The following TRHDE variants were observed in gnomAD, a reference collection of about 807,000 sequenced individuals.
The protein encoded by TRHDE is thyrotropin releasing hormone degrading enzyme.
Under a neutral mutation model 125.7 loss-of-function variants are expected in TRHDE, and 72 were observed. That is an observed-to-expected ratio of 0.57 (90% confidence interval 0.47 to 0.70). TRHDE has a LOEUF of 0.70. Among genes scored for constraint, TRHDE ranks in the 30% least tolerant of loss-of-function variants. The pLI is 0.00. For synonymous variants in TRHDE, 509 were observed against 509.1 expected, an observed-to-expected ratio of 1.00 and a Z score of 0.00; for missense variants, 1,110 against 1,327.1, an observed-to-expected ratio of 0.84 and a Z score of 2.54.
Position 72,277,882 on chromosome 12 carries a change from A to G in TRHDE, c.914+4325A>G, listed in dbSNP as rs188728306. 8.8e-4 allele frequency among the ~76,000 whole-genome samples: 134 copies of G among 152,264 alleles called. 1 individual carries two copies. Among genetic ancestry groups the G allele is most frequent in the South Asian group, 4.2e-3 (20 of 4,818 alleles). ...TATAATCTAATGTTTTGAAGTATGC[A>G]TACATTTGGAACAAATGTAGTTAAT... is the stretch of plus-strand genomic sequence containing the variant. On this transcript the variant is annotated intron_variant, in intron 1 of 18. Transcript: ENST00000261180.
Position 72,630,369 on chromosome 12 carries a change from G to A in TRHDE, c.2675+8618G>A, listed in dbSNP as rs138154952. Among the ~76,000 whole-genome samples the A allele has an allele frequency of 2.9e-4, 44 of 151,746 alleles. 1 individual carries two copies. Among genetic ancestry groups the A allele is most frequent in the South Asian group, 1.5e-3 (7 of 4,818 alleles). On this transcript the variant is annotated intron_variant, in intron 15 of 18. Transcript: ENST00000261180. ...GTAAGTCATGTAAAGACAGAGGAGC[G>A]CCAAGAATTGCTGGAGCCATTAGAA...
intron 2 of TRHDE, among the ~76,000 whole-genome samples, chr12:72,192,148 T>C (rs2139349387): frequency 6.6e-6 from 1 of 152,240 alleles, no homozygotes; most frequent in African/African-American, 2.4e-5. Flanking sequence ...TTTTATGTAA[T>C]ATTAGAGGAG....
intron 2 of TRHDE, among the ~76,000 whole-genome samples, chr12:72,353,497 G>A (rs1433609371): frequency 4.6e-5 from 7 of 151,432 alleles, no homozygotes; most frequent in Admixed American, 2.6e-4. Flanking sequence ...TTTTATTCTC[G>A]GTAGCTGATT....
Position 72,273,700 on chromosome 12 carries a change from G to T in TRHDE, c.914+143G>T. 1 of 783,616 alleles carries T rather than the reference G, an allele frequency of 1.3e-6. No homozygotes were observed. Among genetic ancestry groups the T allele is most frequent in the Non-Finnish European group, 2.0e-6 (1 of 494,534 alleles). 48.5% of individuals were successfully genotyped at this position (783,616 alleles called of 1,614,324 possible). On this transcript the variant is annotated intron_variant, in intron 1 of 18. Coordinates refer to ENST00000261180, the MANE Select transcript of TRHDE (RefSeq NM_013381.3). The surrounding 1 kb of genome is among the most constrained non-coding windows in gnomAD (Gnocchi z 5.3). ...GGGAAGGAAACGAAAGCGGAGTAGGGCAGTCAGAACTCCGGGGTCTCCCAG... is the reference window on the plus strand; with the variant it reads ...GGGAAGGAAACGAAAGCGGAGTAGGTCAGTCAGAACTCCGGGGTCTCCCAG...
intron 6 of TRHDE, among the ~76,000 whole-genome samples, chr12:72,516,190 G>A (rs1878850834): frequency 6.6e-6 from 1 of 151,300 alleles, no homozygotes; most frequent in Admixed American, 6.6e-5. Context: ...GAAAGTCATT[G>A]GTAGCTTGAT....
intron 6 of TRHDE, among the ~76,000 whole-genome samples, chr12:72,520,772 T>C (rs978018271): frequency 2.0e-5 from 3 of 152,242 alleles, no homozygotes; most frequent in African/African-American, 4.8e-5. Flanking sequence ...GGGTTCGATC[T>C]AAGTCTTAAA....
chr12:72,637,884 T>A (rs551040448), intron 15 of TRHDE, among the ~76,000 whole-genome samples: 14 of 152,160 alleles, frequency 9.2e-5, no homozygotes, highest in African/African-American at 3.1e-4. Flanking sequence ...TGTTATAATT[T>A]CTGTTCTTTT....
chr12:72,237,200 G>C (rs1477519006), intron 2 of TRHDE, among the ~76,000 whole-genome samples: 1 of 152,096 alleles, frequency 6.6e-6, no homozygotes, highest in Non-Finnish European at 1.5e-5. Context: ...AAATACAGCT[G>C]TCATATTCTA....
intron 6 of TRHDE, among the ~76,000 whole-genome samples, chr12:72,530,804 A>G (rs1436629761): frequency 6.6e-6 from 1 of 151,682 alleles, no homozygotes; most frequent in Non-Finnish European, 1.5e-5. Context: ...AGCACACTCT[A>G]TCCCCTAACC....
intron 3 of TRHDE, among the ~76,000 whole-genome samples, chr12:72,438,383 C>T (rs1874841245): frequency 6.6e-6 from 1 of 151,830 alleles, no homozygotes; most frequent in Non-Finnish European, 1.5e-5. Flanking sequence ...TACTAATTTA[C>T]ATTCCTATCA....
intron 12 of TRHDE, among the ~76,000 whole-genome samples, chr12:72,591,502 A>G (rs1453553912): frequency 6.6e-6 from 1 of 152,110 alleles, no homozygotes; most frequent in Non-Finnish European, 1.5e-5. Context: ...AAAACCCAAA[A>G]GAAAATGTTA....
At chr12:72,236,223 G>C (rs1201684989) in intron 2 of TRHDE, among the ~76,000 whole-genome samples, 1 of 152,158 alleles carries the variant, frequency 6.6e-6, no homozygotes. Context: ...CTATTCTTCT[G>C]TAGTGCCAAA....
At chr12:72,458,217 C>T in intron 3 of TRHDE, among the ~76,000 whole-genome samples, 1 of 152,176 alleles carries the variant, frequency 6.6e-6, no homozygotes, top group East Asian at 1.9e-4. Flanking sequence ...GAATGAGCAA[C>T]TAGTATTCTT....
chr12:72,490,180 T>C (rs1877598245), intron 5 of TRHDE, among the ~76,000 whole-genome samples: 1 of 151,532 alleles, frequency 6.6e-6, no homozygotes, highest in Admixed American at 6.6e-5. Flanking sequence ...AAGACCAGAA[T>C]AGACATGTCT....
At chr12:72,321,774 A>G (rs1366340877) in intron 2 of TRHDE, among the ~76,000 whole-genome samples, 1 of 152,172 alleles carries the variant, frequency 6.6e-6, no homozygotes, top group Non-Finnish European at 1.5e-5. Flanking sequence ...AAGTAGCAGT[A>G]TTTGTAAATA....
chr12:72,267,215 A>G (rs1879088196), intron 2 of TRHDE, among the ~76,000 whole-genome samples: 1 of 152,084 alleles, frequency 6.6e-6, no homozygotes, highest in Non-Finnish European at 1.5e-5. Flanking sequence ...TAAATTGTAA[A>G]CATTTCCATG....
Position 72,469,793 on chromosome 12 carries a change from A to G in TRHDE, c.1351A>G (p.Met451Val), listed in dbSNP as rs771435524. Residue 451 changes from methionine to valine, a missense_variant, in exon 4 of 19, where the codon ATG (methionine) becomes GTG (valine). Coordinates refer to ENST00000261180, the MANE Select transcript of TRHDE (RefSeq NM_013381.3). ...LAVPKHPYAA[M>V]ENWGLSIFVE... ...TGTGCCTAAGCATCCGTATGCTGCTATGGAGAACTGGGGACTAAGTATTTT... is the reference window on the plus strand; with the variant it reads ...TGTGCCTAAGCATCCGTATGCTGCTGTGGAGAACTGGGGACTAAGTATTTT... 3 of 1,614,086 alleles carry G rather than the reference A, an allele frequency of 1.9e-6. No individual in the cohort carries two copies. The highest frequency in any genetic ancestry group is 2.5e-6 in the Non-Finnish European group (3 of 1,179,968).
chr12:72,663,067 A>G lies in TRHDE; in HGVS notation c.3082A>G (p.Lys1028Glu), dbSNP rs1414802970. The G allele has an allele frequency of 1.2e-6, 2 of 1,610,112 alleles. No homozygotes were observed. The highest frequency in any genetic ancestry group is 2.7e-5 in the African/African-American group (2 of 74,818). The change falls in exon 19 of 19, where the codon AAA becomes GAA. Residue 1028 changes from lysine to glutamate, a missense_variant. Lys to Glu is a moderately conservative substitution (Grantham distance 56). Transcript: ENST00000261180. The part of the protein sequence containing the change: ...GELKELKNFM[K>E]NYDGVAAASF... ...CTCTTTCCAGCTCAAGAACTTCATG[A>G]AAAACTATGATGGGGTAGCTGCTGC... is the stretch of plus-strand genomic sequence containing the variant.
chr12:72,573,328 T>C (rs1870834533), intron 10 of TRHDE, among the ~76,000 whole-genome samples: 1 of 151,992 alleles, frequency 6.6e-6, no homozygotes, highest in South Asian at 2.1e-4. Flanking sequence ...TCTAAATTTT[T>C]GCAGCAATTG....
Sources: gnomAD v4.1 joint callset for allele counts (sites outside exome capture counted in the v4.1 genomes callset) on GRCh38, gnomAD v4.1.1 for gene constraint, Gnocchi (gnomAD v3.1) non-coding constraint, MANE v1.5 for transcripts, NCBI Gene and HGNC (gene_info 2026-07-23, HGNC 2026-07-21) for gene names.